Variants in STRAP observed in about 807,000 individuals in gnomAD.
STRAP encodes serine/threonine kinase receptor associated protein, also known as serine-threonine kinase receptor-associated protein.
A neutral mutation model predicts 47.0 loss-of-function variants in STRAP; 16 were observed. The ratio of observed to expected loss-of-function variants is 0.34; its 90% CI spans 0.23 to 0.52. The LOEUF (loss-of-function observed/expected upper bound fraction) is 0.52, where lower values mean the gene tolerates loss of function less well. STRAP is among the 20% of genes least tolerant of loss of function. STRAP has a pLI of 0.96. For synonymous variants in STRAP, 130 were observed against 142.7 expected (o/e 0.91, Z 0.63); for missense variants, 293 against 420.0 (o/e 0.70, Z 2.64).
intron 7 of STRAP, among the ~76,000 whole-genome samples, chr12:15,898,952 A>G (rs1948082196): frequency 6.6e-6 from 1 of 152,198 alleles, no homozygotes; most frequent in African/African-American, 2.4e-5. Context: ...TGTAGAATCT[A>G]TTTTAATTGC....
chr12:15,884,555 T>A (rs1299727079), intron 2 of STRAP, among the ~76,000 whole-genome samples: 1 of 151,714 alleles, frequency 6.6e-6, no homozygotes, highest in Non-Finnish European at 1.5e-5. Flanking sequence ...TTTATACTTT[T>A]TACTACATTT....
intron 4 of STRAP, among the ~76,000 whole-genome samples, chr12:15,891,437 A>G (rs1440107343): frequency 3.3e-5 from 5 of 152,234 alleles, no homozygotes; most frequent in African/African-American, 9.6e-5. Flanking sequence ...TAGTCTATGA[A>G]CTGTTTGTAA....
intron 2 of STRAP, 109 bp from the exon 3 acceptor site, chr12:15,889,819 C>T: frequency 1.3e-6 from 1 of 745,770 alleles, no homozygotes; most frequent in African/African-American, 1.8e-5. Context: ...ATTTATGTAA[C>T]ATTTCACATA....
intron 2 of STRAP, among the ~76,000 whole-genome samples, chr12:15,885,703 A>G (rs1359040784): frequency 6.6e-6 from 1 of 152,158 alleles, no homozygotes; most frequent in Non-Finnish European, 1.5e-5. Flanking sequence ...CTGTGTTTAC[A>G]AGTGGTGTAT....
At position 15,894,017 on chromosome 12, in the gene STRAP, C is replaced by G; in HGVS notation, c.404-30C>G. The G allele has an allele frequency of 6.8e-7, 1 of 1,475,974 alleles. No homozygotes were observed. Among genetic ancestry groups the G allele is most frequent in the Admixed American group, 1.8e-5 (1 of 56,396 alleles). The allele number at this position is 1,475,974 out of a possible 1,614,324, so 91.4% of individuals were successfully genotyped here. ...TTCAGTTTAAAAAATCATATATTAA[C>G]AAATGTACTTTAAATTGTTTTATCT... On this transcript the variant is annotated intron_variant, in intron 4 of 9. Transcript: ENST00000419869. This position sits in a 1 kb window ranked among gnomAD's most constrained non-coding sequence, Gnocchi z 4.9.
Position 15,890,776 on chromosome 12 carries a change from A to G in STRAP, c.403+107A>G, listed in dbSNP as rs1022488232. The G allele has an allele frequency of 9.3e-6, 9 of 965,602 alleles. No homozygotes were observed. The highest frequency in any genetic ancestry group is 3.4e-5 in the African/African-American group (2 of 59,238). 59.8% of individuals were successfully genotyped at this position (965,602 alleles called of 1,614,324 possible). On this transcript the variant is annotated intron_variant, in intron 4 of 9. Coordinates refer to ENST00000419869, the MANE Select transcript of STRAP (RefSeq NM_007178.4). This position sits in a 1 kb window ranked among gnomAD's most constrained non-coding sequence, Gnocchi z 4.5. ...TCAAATTTGGAAAATAAAGATAGTCATGGCCGGGCACGGTGGCTCATACCT... is the reference window on the plus strand; with the variant it reads ...TCAAATTTGGAAAATAAAGATAGTCGTGGCCGGGCACGGTGGCTCATACCT...
chr12:15,900,254 G>A (rs1948092491), intron 8 of STRAP, among the ~76,000 whole-genome samples: 1 of 152,062 alleles, frequency 6.6e-6, no homozygotes, highest in South Asian at 2.1e-4. Flanking sequence ...TGGTATGGCT[G>A]GGCACGGTGG....
rs547691553 is a variant in STRAP, at chr12:15,890,781, C to T, written c.403+112C>T. 50 of 889,472 alleles carry T rather than the reference C, an allele frequency of 5.6e-5. No individual in the cohort carries two copies. Among genetic ancestry groups the T allele is most frequent in the African/African-American group, 3.8e-4 (22 of 57,792 alleles). The allele number at this position is 889,472 out of a possible 1,614,324, so 55.1% of individuals were successfully genotyped here. A position where few individuals can be genotyped will look rare whatever the true frequency, so the allele number is the denominator to read the frequency against. ...TTTGGAAAATAAAGATAGTCATGGC[C>T]GGGCACGGTGGCTCATACCTGTAAT... On this transcript the variant is annotated intron_variant, in intron 4 of 9. Coordinates refer to ENST00000419869, the MANE Select transcript of STRAP (RefSeq NM_007178.4). The surrounding 1 kb of genome is among the most constrained non-coding windows in gnomAD (Gnocchi z 4.5).
chr12:15,886,819 T>A (rs950715220), intron 2 of STRAP, among the ~76,000 whole-genome samples: 2 of 152,218 alleles, frequency 1.3e-5, no homozygotes, highest in Non-Finnish European at 2.9e-5. Flanking sequence ...TGGAATTTGG[T>A]CCCGTTTCTT....
chr12:15,883,820 T>C, intron 2 of STRAP, 144 bp downstream of exon 2: 2 of 1,030,230 alleles, frequency 1.9e-6, no homozygotes, highest in Non-Finnish European at 2.7e-6. Context: ...CAAAATTCCA[T>C]CGTGGTCCAT....
Sources: gnomAD v4.1 joint callset for allele counts (sites outside exome capture counted in the v4.1 genomes callset) on GRCh38, gnomAD v4.1.1 for gene constraint, Gnocchi (gnomAD v3.1) non-coding constraint, MANE v1.5 for transcripts, NCBI Gene and HGNC (gene_info 2026-07-23, HGNC 2026-07-21) for gene names.